Variants in LYPD1 observed in about 807,000 individuals in gnomAD.
The protein encoded by LYPD1 is LY6/PLAUR domain containing 1.
LYPD1 carries 14 observed loss-of-function variants against 14.2 expected under a neutral mutation model. The ratio of observed to expected loss-of-function variants is 0.99; its 90% CI spans 0.65 to 1.54. LYPD1 has a LOEUF of 1.54. Ranked by LOEUF, LYPD1 falls within the 40% of genes most tolerant of loss-of-function variation. LYPD1 has a pLI of 0.00. For synonymous variants in LYPD1, 85 were observed against 70.6 expected (o/e 1.20, Z -1.02); for missense variants, 165 against 175.7 (o/e 0.94, Z 0.34).
rs1682033899 is a variant in LYPD1, at chr2:132,645,760, G to A, written c.*285C>T. On this transcript the variant is annotated 3_prime_UTR_variant, in exon 3 of 3. Coordinates refer to ENST00000397463, the MANE Select transcript of LYPD1 (RefSeq NM_144586.7). ...GATGCCCACCTCAGTGACTTCTAAGGACTGACTCTGCCAGCCTGGCCTTGA... is the reference window on the plus strand; with the variant it reads ...GATGCCCACCTCAGTGACTTCTAAGAACTGACTCTGCCAGCCTGGCCTTGA... The A allele has an allele frequency of 1.8e-6, 2 of 1,085,932 alleles. No homozygotes were observed. The highest frequency in any genetic ancestry group is 2.9e-5 in the Admixed American group (1 of 34,756). 67.3% of individuals were successfully genotyped at this position (1,085,932 alleles called of 1,614,324 possible). A position where few individuals can be genotyped will look rare whatever the true frequency, so the allele number is the denominator to read the frequency against.
At position 132,645,065 on chromosome 2, in the gene LYPD1, T is replaced by TTTC; in HGVS notation, c.*977_*979dup. The TTTC allele has an allele frequency of 6.3e-7, 1 of 1,578,888 alleles. No individual in the cohort carries two copies. The highest frequency in any genetic ancestry group is 8.6e-7 in the Non-Finnish European group (1 of 1,161,538). ...CTGTGTTCTCATGCTGTGTTTTTCT[T>TTTC]TTCTCTGTCTCTCCCTCCTGCTCGT... On this transcript the variant is annotated 3_prime_UTR_variant, in exon 3 of 3. Coordinates refer to ENST00000397463, the MANE Select transcript of LYPD1 (RefSeq NM_144586.7).
At chr2:132,653,269 C>T (rs1190077406) in intron 2 of LYPD1, among the ~76,000 whole-genome samples, 15 of 152,220 alleles carry the variant, frequency 9.9e-5, no homozygotes. Context: ...CTGTAAGCCT[C>T]AGTTTGCCTT....
At chr2:132,655,601 G>A (rs969048532) in intron 2 of LYPD1, among the ~76,000 whole-genome samples, 7 of 141,116 alleles carry the variant, frequency 5.0e-5, no homozygotes, top group East Asian at 2.3e-4. Flanking sequence ...TGCAACCTCC[G>A]CCTCCTGGGT....
chr2:132,670,995 T>C (rs1324092159), upstream of LYPD1, among the ~76,000 whole-genome samples: 1 of 152,132 alleles, frequency 6.6e-6, no homozygotes, highest in East Asian at 1.9e-4. This position sits in a 1 kb window ranked among gnomAD's most constrained non-coding sequence, Gnocchi z 4.5. Flanking sequence ...AAGAGGGTTG[T>C]TCTCCTCCAT....
chr2:132,645,381 C>T lies in LYPD1; in HGVS notation c.*664G>A, dbSNP rs998664989. On this transcript the variant is annotated 3_prime_UTR_variant, in exon 3 of 3. Coordinates refer to ENST00000397463, the MANE Select transcript of LYPD1 (RefSeq NM_144586.7). ...AGAAGCGCCTGCGCGTACATGCGCA[C>T]TCCACCACCGACAGCGCCCGCTTTG... The T allele has an allele frequency of 6.2e-7, 1 of 1,613,770 alleles. No homozygotes were observed. The highest frequency in any genetic ancestry group is 8.5e-7 in the Non-Finnish European group (1 of 1,180,006).
chr2:132,658,851 G>A (rs998937472), intron 2 of LYPD1, among the ~76,000 whole-genome samples: 6 of 152,198 alleles, frequency 3.9e-5, no homozygotes, highest in African/African-American at 1.4e-4. Flanking sequence ...GAGAGCTGAT[G>A]ACCAAGGCTG....
chr2:132,662,872 C>T (rs1683038078), intron 2 of LYPD1, among the ~76,000 whole-genome samples: 1 of 152,196 alleles, frequency 6.6e-6, no homozygotes, highest in Admixed American at 6.5e-5. Flanking sequence ...CTGGATCAAT[C>T]TTCAAATGTT....
At chr2:132,650,533 T>C (rs987073286) in intron 2 of LYPD1, among the ~76,000 whole-genome samples, 5 of 152,092 alleles carry the variant, frequency 3.3e-5, no homozygotes, top group Non-Finnish European at 4.4e-5. Flanking sequence ...GAGTAGAGTG[T>C]CATGGCAAAA....
chr2:132,653,123 A>C (rs1056331986), intron 2 of LYPD1, among the ~76,000 whole-genome samples: 2 of 152,216 alleles, frequency 1.3e-5, no homozygotes, highest in Non-Finnish European at 2.9e-5. Flanking sequence ...GGAGGAAACT[A>C]AAGAAGCTCA....
Position 132,646,114 on chromosome 2 carries a change from C to T in LYPD1, c.357G>A (p.Ser119=), listed in dbSNP as rs372034990. Residue 119 remains serine, a synonymous_variant, in exon 3 of 3, where the codon TCG becomes TCA. Coordinates refer to ENST00000397463, the MANE Select transcript of LYPD1 (RefSeq NM_144586.7). ...PRPKKRGSSA[S]ALRPGLRTTI... The stretch of plus-strand genomic sequence containing the variant: ...TGGTGCGGAGCCCTGGCCTGAGGGC[C>T]GAGGCAGAACTTCCCCTTTTCTTGG... 1.0e-4 allele frequency: 165 copies of T among 1,608,084 alleles called. 1 individual carries two copies. The highest frequency in any genetic ancestry group is 1.2e-4 in the Non-Finnish European group (142 of 1,176,890).
At chr2:132,658,210 A>G (rs1256209406) in intron 2 of LYPD1, among the ~76,000 whole-genome samples, 1 of 152,238 alleles carries the variant, frequency 6.6e-6, no homozygotes, top group African/African-American at 2.4e-5. Flanking sequence ...AGAAATTTTG[A>G]GTTTTTGATG....
chr2:132,663,574 C>T lies in LYPD1; in HGVS notation c.190+4826G>A, dbSNP rs58951900. On this transcript the variant is annotated intron_variant, in intron 2 of 2. Coordinates refer to ENST00000397463, the MANE Select transcript of LYPD1 (RefSeq NM_144586.7). ...TACAGGCATGAGCCGCCGTGCCCAG[C>T]TTCATTTTAAAGTTTTTTAAGCTGT... 1.0e-3 allele frequency among the ~76,000 whole-genome samples: 159 copies of T among 152,334 alleles called. 3 individuals carry two copies. The highest frequency in any genetic ancestry group is 3.6e-3 in the African/African-American group (151 of 41,596).
rs938545946 is a variant in LYPD1 at position 132,668,651 on chromosome 2, C to T, written c.53-114G>A. 6 of 1,447,322 alleles carry T rather than the reference C, an allele frequency of 4.1e-6. No individual in the cohort carries two copies. The African/African-American group carries it at 7.2e-5, about 17-fold the overall frequency. The allele number at this position is 1,447,322 out of a possible 1,614,324, so 89.7% of individuals were successfully genotyped here. A position where few individuals can be genotyped will look rare whatever the true frequency, so the allele number is the denominator to read the frequency against. ...GCTCCCAGCCTCTGGCAGGCTTAGA[C>T]CACTCCTGGGTCTCCGGGTAGGGCT... On this transcript the variant is annotated intron_variant, in intron 1 of 2. Transcript: ENST00000397463.
At chr2:132,654,127 G>A (rs188167508) in intron 2 of LYPD1, among the ~76,000 whole-genome samples, 24 of 152,334 alleles carry the variant, frequency 1.6e-4, no homozygotes, top group Admixed American at 5.9e-4. Context: ...TCGTACTGCG[G>A]TTATGTAGAT....
upstream of LYPD1, among the ~76,000 whole-genome samples, chr2:132,670,435 G>A (rs1683632068): frequency 6.6e-6 from 1 of 152,252 alleles, no homozygotes; most frequent in East Asian, 1.9e-4. This position sits in a 1 kb window ranked among gnomAD's most constrained non-coding sequence, Gnocchi z 4.5. Context: ...TCTGAGATGG[G>A]GAGGTTGGGG....
intron 2 of LYPD1, among the ~76,000 whole-genome samples, chr2:132,648,034 G>A (rs575004916): frequency 3.8e-4 from 58 of 152,196 alleles, no homozygotes; most frequent in Non-Finnish European, 7.3e-4. Context: ...CAGCTGCTCT[G>A]GTAAGATAAA....
At chr2:132,647,870 A>C (rs1289632364) in intron 2 of LYPD1, among the ~76,000 whole-genome samples, 1 of 152,206 alleles carries the variant, frequency 6.6e-6, no homozygotes, top group East Asian at 1.9e-4. Flanking sequence ...TGCTATAGAA[A>C]CATTAAGGAA....
Position 132,645,553 on chromosome 2 carries a change from G to T in LYPD1, c.*492C>A, listed in dbSNP as rs150135352. ...CGAGTCACTAGAGCCCAACTCAGGC[G>T]CGAAACCAGCCAATTCTGCTGCAGA... On this transcript the variant is annotated 3_prime_UTR_variant, in exon 3 of 3. Coordinates refer to ENST00000397463, the MANE Select transcript of LYPD1 (RefSeq NM_144586.7). 665 of 1,613,958 alleles carry T rather than the reference G, an allele frequency of 4.1e-4. No homozygotes were observed. The highest frequency in any genetic ancestry group is 5.4e-4 in the Non-Finnish European group (636 of 1,180,010).
chr2:132,650,924 A>G (rs1004936705), intron 2 of LYPD1, among the ~76,000 whole-genome samples: 1 of 152,186 alleles, frequency 6.6e-6, no homozygotes, highest in East Asian at 1.9e-4. Context: ...TATGTTGTGG[A>G]GCTGGGATTT....
Sources: gnomAD v4.1 joint callset for allele counts (sites outside exome capture counted in the v4.1 genomes callset) on GRCh38, gnomAD v4.1.1 for gene constraint, Gnocchi (gnomAD v3.1) non-coding constraint, MANE v1.5 for transcripts, NCBI Gene and HGNC (gene_info 2026-07-23, HGNC 2026-07-21) for gene names.